The following EXOC4 variants were observed in gnomAD, a reference collection of about 807,000 sequenced individuals.
The protein encoded by EXOC4 is exocyst complex component 4.
Under a neutral mutation model 107.2 loss-of-function variants are expected in EXOC4, and 71 were observed. That is an observed-to-expected ratio of 0.66 (90% confidence interval 0.55 to 0.81). The LOEUF is 0.81. Ranked by LOEUF, EXOC4 falls within the 30% of genes least tolerant of loss-of-function variation. The pLI is 0.00. For missense variants in EXOC4, 1,108 were observed against 1,189.6 expected (o/e 0.93, Z 1.01); for synonymous variants, 456 against 441.2 (o/e 1.03, Z -0.42).
At chr7:133,784,580 A>T (rs1796531952) in intron 10 of EXOC4, among the ~76,000 whole-genome samples, 2 of 152,234 alleles carry the variant, frequency 1.3e-5, no homozygotes, top group African/African-American at 4.8e-5. Context: ...TGATGCTTTC[A>T]GATTTCTAAA....
At chr7:133,841,173 CTGAGGGCACTAATCCCATTTCA>C (rs1486336019) in intron 11 of EXOC4, among the ~76,000 whole-genome samples, 9 of 152,168 alleles carry the variant, frequency 5.9e-5, no homozygotes, top group Non-Finnish European at 8.8e-5. Flanking sequence ...AGGGATCTCT[CTGAGGGCACTAATCCCATTTCA>C]TGAGGGCACT....
intron 7 of EXOC4, among the ~76,000 whole-genome samples, chr7:133,394,810 A>C (rs1332958970): frequency 6.6e-6 from 1 of 152,160 alleles, no homozygotes; most frequent in Non-Finnish European, 1.5e-5. Context: ...TTCAAGCTTC[A>C]AGTGAATGTT....
chr7:133,699,176 G>A (rs1255154594), intron 10 of EXOC4, among the ~76,000 whole-genome samples: 1 of 151,910 alleles, frequency 6.6e-6, no homozygotes, highest in East Asian at 1.9e-4. Flanking sequence ...TCTTCTCTCT[G>A]TTTGGAATTC....
chr7:134,072,206 A>T, the EXOC4 span, among the ~76,000 whole-genome samples: 2 of 152,328 alleles, frequency 1.3e-5, no homozygotes, highest in East Asian at 3.9e-4. Flanking sequence ...CTTAGCCTTC[A>T]TAGGGGAGGC....
chr7:133,937,811 A>T lies in EXOC4; in HGVS notation c.2028-80A>T, dbSNP rs911930758. ...TAGTGCTCATGTCAGTCCTTGTGCT[A>T]GGTGTGCCTAAAACAGTGTTGCCCG... is the stretch of plus-strand genomic sequence containing the variant. On this transcript the variant is annotated intron_variant, in intron 13 of 17. Coordinates refer to ENST00000253861, the MANE Select transcript of EXOC4 (RefSeq NM_021807.4). 4 of 1,346,564 alleles carry T rather than the reference A, an allele frequency of 3.0e-6. No individual in the cohort carries two copies. The African/African-American group carries it at 5.8e-5, about 19-fold the overall frequency. The allele number at this position is 1,346,564 out of a possible 1,614,324, so 83.4% of individuals were successfully genotyped here.
At chr7:134,006,203 T>C (rs542823894) in intron 16 of EXOC4, among the ~76,000 whole-genome samples, 3 of 151,356 alleles carry the variant, frequency 2.0e-5, no homozygotes, top group Non-Finnish European at 2.9e-5. Context: ...TTAATATATT[T>C]ATTATAATAT....
rs1253088454 is a variant in EXOC4 at position 133,516,423 on chromosome 7, ACAT to A, written c.1417+36286_1417+36288del. Reference sequence around the variant, plus strand: ...GTCTCTAAAAAATTGTCTTTTCTGGACATTTCATGTAATGGAATCTTATAAGAT... The same window carrying A: ...GTCTCTAAAAAATTGTCTTTTCTGGATTCATGTAATGGAATCTTATAAGAT... On this transcript the variant is annotated intron_variant, in intron 9 of 17. Transcript: ENST00000253861. Among the ~76,000 whole-genome samples the A allele has an allele frequency of 3.0e-4, 46 of 152,188 alleles. 1 individual carries two copies. Among genetic ancestry groups the A allele is most frequent in the African/African-American group, 1.1e-3 (45 of 41,534 alleles).
intron 17 of EXOC4, among the ~76,000 whole-genome samples, chr7:134,062,873 T>C (rs1796097890): frequency 6.6e-6 from 1 of 152,212 alleles, no homozygotes; most frequent in African/African-American, 2.4e-5. Context: ...CTATAATGCA[T>C]ATTTCTATTA....
Position 133,834,486 on chromosome 7 carries a change from G to A in EXOC4, c.1734+16942G>A, listed in dbSNP as rs181076415. Among the ~76,000 whole-genome samples, 40 of 152,336 alleles carry A rather than the reference G, an allele frequency of 2.6e-4. No homozygotes were observed. The East Asian group carries it at 5.2e-3, about 20-fold the overall frequency. On this transcript the variant is annotated intron_variant, in intron 11 of 17. Coordinates refer to ENST00000253861, the MANE Select transcript of EXOC4 (RefSeq NM_021807.4). ...ACTTGCATCAGGAATAAAGACTCTC[G>A]TACCCCTTTGTTCAGGTGTGCTCTC...
chr7:133,858,904 C>A (rs1223468549), intron 11 of EXOC4, among the ~76,000 whole-genome samples: 1 of 152,162 alleles, frequency 6.6e-6, no homozygotes, highest in African/African-American at 2.4e-5. Flanking sequence ...TCCCAAGATG[C>A]ATTTCAAATT....
intron 10 of EXOC4, among the ~76,000 whole-genome samples, chr7:133,676,967 G>GTGTA (rs1794076484): frequency 7.0e-6 from 1 of 143,194 alleles, no homozygotes; most frequent in African/African-American, 2.6e-5. Context: ...ATGTGTGTGT[G>GTGTA]TGTGTGTGTG....
intron 10 of EXOC4, among the ~76,000 whole-genome samples, chr7:133,717,431 A>G (rs907691261): frequency 6.6e-6 from 1 of 152,214 alleles, no homozygotes; most frequent in Non-Finnish European, 1.5e-5. Flanking sequence ...TTGGCTGTGC[A>G]CATGCTTGCC....
chr7:133,797,212 C>G (rs1239466146), intron 10 of EXOC4, among the ~76,000 whole-genome samples: 1 of 152,020 alleles, frequency 6.6e-6, no homozygotes, highest in African/African-American at 2.4e-5. Flanking sequence ...AAGATGGGGC[C>G]CATTTATAAA....
the EXOC4 span, among the ~76,000 whole-genome samples, chr7:134,098,636 G>A: frequency 6.6e-6 from 1 of 152,176 alleles, no homozygotes; most frequent in East Asian, 1.9e-4. Flanking sequence ...AGTTGGAAGT[G>A]AAGAAATCCT....
intron 6 of EXOC4, among the ~76,000 whole-genome samples, chr7:133,357,619 T>A (rs1196213073): frequency 6.6e-6 from 1 of 152,190 alleles, no homozygotes; most frequent in Non-Finnish European, 1.5e-5. Context: ...TAAGGAAATA[T>A]CTACTGTTTA....
intron 5 of EXOC4, among the ~76,000 whole-genome samples, chr7:133,342,774 G>T (rs1337401036): frequency 2.6e-5 from 4 of 151,872 alleles, no homozygotes; most frequent in Non-Finnish European, 5.9e-5. Context: ...TTGTCTTTGA[G>T]CTCTGAAGTT....
In EXOC4 at chr7:133,915,331, A is replaced by G. The variant is rs577014507; in HGVS notation, c.1872-2252A>G. On this transcript the variant is annotated intron_variant, in intron 12 of 17. Transcript: ENST00000253861. ...AGAGTAAAAATACAGGAAAAAGGGG[A>G]GATAGGTCGGGGAGAAAAGATCCCC... Among the ~76,000 whole-genome samples, 216 of 152,314 alleles carry G rather than the reference A, an allele frequency of 1.4e-3. 6 individuals are homozygous for G. The South Asian group carries it at 0.04, about 28-fold the overall frequency.
chr7:133,392,095 T>C (rs544569108), intron 7 of EXOC4, among the ~76,000 whole-genome samples: 1 of 152,334 alleles, frequency 6.6e-6, no homozygotes, highest in Admixed American at 6.5e-5. Context: ...TATCGGACCA[T>C]AGGATATTCC....
At chr7:133,268,276 A>C (rs745472400) in intron 1 of EXOC4, among the ~76,000 whole-genome samples, 3 of 152,182 alleles carry the variant, frequency 2.0e-5, no homozygotes, top group African/African-American at 7.2e-5. Flanking sequence ...GTGTTCCTTT[A>C]ATGTGTATGT....
Sources: allele counts gnomAD v4.1 joint callset (sites outside exome capture counted in the v4.1 genomes callset), GRCh38; gene constraint gnomAD v4.1.1; transcripts MANE v1.5; gene names NCBI Gene and HGNC (gene_info 2026-07-23, HGNC 2026-07-21).